The following ZNF66 variants were observed in gnomAD, a reference collection of about 807,000 sequenced individuals.
ZNF66 encodes the protein zinc finger protein 66.
In ZNF66, 32 loss-of-function variants were observed where a neutral mutation model predicts 35.2. That is an observed-to-expected ratio of 0.91 (90% confidence interval 0.69 to 1.22). The LOEUF (loss-of-function observed/expected upper bound fraction) is 1.22, where lower values mean the gene tolerates loss of function less well. ZNF66 is among the 50% of genes most tolerant of loss of function. ZNF66 has a pLI of 0.00. For synonymous variants in ZNF66, 231 were observed against 181.3 expected (o/e 1.27, Z -2.20); for missense variants, 666 against 543.1 (o/e 1.23, Z -2.25).
chr19:20,791,521 A>G (rs1971337781), intron 1 of ZNF66, among the ~76,000 whole-genome samples: 1 of 150,272 alleles, frequency 6.7e-6, no homozygotes, highest in African/African-American at 2.5e-5. Context: ...TTGCTCATTT[A>G]AATGTGATGG....
intron 3 of ZNF66, chr19:20,794,152 A>T (rs10413812): frequency 3.8e-6 from 2 of 527,188 alleles, no homozygotes; most frequent in African/African-American, 2.0e-5. Context: ...CCTCTTCATG[A>T]CATATAAGAG....
intron 3 of ZNF66, among the ~76,000 whole-genome samples, chr19:20,803,224 ATATT>A (rs1971466954): frequency 6.6e-6 from 1 of 151,728 alleles, no homozygotes; most frequent in African/African-American, 2.4e-5. Context: ...ATAATTATAT[ATATT>A]TAAATAGTTT....
At position 20,807,212 on chromosome 19, in the gene ZNF66, A is replaced by C. The variant is rs774440339; in HGVS notation, c.1612A>C (p.Lys538Gln). 11 of 729,846 alleles carry C rather than the reference A, an allele frequency of 1.5e-5. No individual in the cohort carries two copies. The highest frequency in any genetic ancestry group is 2.4e-4 in the Middle Eastern group (1 of 4,170). 45.2% of individuals were successfully genotyped at this position (729,846 alleles called of 1,614,324 possible). ...KKIHTGGKPH[K>Q]CNKCGKAFIS... ...AATTCATACTGGAGGGAAACCACAC[A>C]AGTGCAATAAATGTGGCAAAGCCTT... Residue 538 changes from lysine to glutamine, a missense_variant, in exon 4 of 4, where the codon AAG becomes CAG. By Grantham distance (53) the Lys-to-Gln change is moderately conservative. Transcript: ENST00000344519.
At chr19:20,805,128 A>T (rs425870) in intron 3 of ZNF66, among the ~76,000 whole-genome samples, 36,522 of 130,212 alleles carry the variant, frequency 0.28, 4,501 homozygotes, top group African/African-American at 0.3. Context: ...TGTGTGTGTG[A>T]GAGAGAGAGA....
In ZNF66 at chr19:20,808,754, A is replaced by G. The variant is rs1291529553; in HGVS notation, c.*1432A>G. On this transcript the variant is annotated 3_prime_UTR_variant, in exon 4 of 4. Transcript: ENST00000344519. ...AACCACAAAGATGGGGAAAAAACAG[A>G]GCAGAAAAACTGGAAAGTCTAAAAA... Among the ~76,000 whole-genome samples the G allele has an allele frequency of 6.6e-6, 1 of 151,926 alleles. No individual in the cohort carries two copies. Among genetic ancestry groups the G allele is most frequent in the Non-Finnish European group, 1.5e-5 (1 of 67,978 alleles).
intron 1 of ZNF66, among the ~76,000 whole-genome samples, chr19:20,779,631 C>G (rs1482751128): frequency 1.3e-5 from 2 of 151,898 alleles, no homozygotes; most frequent in African/African-American, 4.8e-5. Context: ...GTGTTTGAGA[C>G]CAGCCTGGCC....
intron 1 of ZNF66, among the ~76,000 whole-genome samples, chr19:20,779,559 T>G (rs541930112): frequency 6.6e-6 from 1 of 152,054 alleles, no homozygotes; most frequent in South Asian, 2.1e-4. Flanking sequence ...CCGGGCCCAG[T>G]GGCTCATGCC....
At chr19:20,797,998 A>G (rs1971411280) in intron 3 of ZNF66, among the ~76,000 whole-genome samples, 1 of 152,106 alleles carries the variant, frequency 6.6e-6, no homozygotes, top group Non-Finnish European at 1.5e-5. Context: ...CATGTCTGTC[A>G]CAATCAGGTT....
chr19:20,807,116 G>T lies in ZNF66; in HGVS notation c.1516G>T (p.Asp506Tyr). 1.3e-6 allele frequency: 1 copy of T among 795,746 alleles called. No individual in the cohort carries two copies. Among genetic ancestry groups the T allele is most frequent in the Admixed American group, 1.8e-5 (1 of 54,924 alleles). 49.3% of individuals were successfully genotyped at this position (795,746 alleles called of 1,614,324 possible). A position where few individuals can be genotyped will look rare whatever the true frequency, so the allele number is the denominator to read the frequency against. Residue 506 changes from aspartate (D) to tyrosine (Y), a missense_variant, in exon 4 of 4, where the codon GAT (aspartate) becomes TAT (tyrosine). Transcript: ENST00000344519. ...LTTHKRIHTA[D>Y]KPYKCEECGK... ...TACACATAAGAGAATTCATACTGCA[G>T]ATAAACCCTACAAATGTGAAGAATG...
chr19:20,779,293 G>A (rs73007849), intron 1 of ZNF66, among the ~76,000 whole-genome samples: 10,801 of 152,234 alleles, frequency 0.071, 478 homozygotes, highest in Middle Eastern at 0.11. Flanking sequence ...TTGCAAAGAT[G>A]TAGGCAGAAA....
chr19:20,778,462 T>C (rs1971215464), intron 1 of ZNF66, among the ~76,000 whole-genome samples: 1 of 152,202 alleles, frequency 6.6e-6, no homozygotes, highest in East Asian at 1.9e-4. Context: ...GAAGTAGATA[T>C]ATATGCTTTT....
At position 20,808,673 on chromosome 19, in the gene ZNF66, A is replaced by G. The variant is rs1340603342; in HGVS notation, c.*1351A>G. On this transcript the variant is annotated 3_prime_UTR_variant, in exon 4 of 4. Transcript: ENST00000344519. ...AGGAAAACTAACAAACAGAAAGGAC[A>G]TCCACACCAAAAACCCATCTGTACA... 1.3e-5 allele frequency among the ~76,000 whole-genome samples: 2 copies of G among 152,120 alleles called. No homozygotes were observed. Among genetic ancestry groups the G allele is most frequent in the Admixed American group, 6.5e-5 (1 of 15,272 alleles).
intron 1 of ZNF66, among the ~76,000 whole-genome samples, chr19:20,780,084 C>G (rs2144890184): frequency 6.6e-6 from 1 of 151,440 alleles, no homozygotes; most frequent in African/African-American, 2.4e-5. Context: ...GCACTCCAGC[C>G]TGGGTGACAA....
chr19:20,784,577 A>G (rs1030919398), intron 1 of ZNF66: 11 of 152,216 alleles, frequency 7.2e-5, no homozygotes, highest in African/African-American at 2.2e-4. Context: ...TACGAACACA[A>G]TCAGATTCTA....
chr19:20,799,645 A>G (rs1431670764), intron 3 of ZNF66, among the ~76,000 whole-genome samples: 2 of 152,078 alleles, frequency 1.3e-5, no homozygotes, highest in African/African-American at 4.8e-5. Context: ...ATCCAACTTC[A>G]TTTTATCAGT....
chr19:20,776,307 T>C lies in ZNF66; in HGVS notation c.-141T>C, dbSNP rs1451087179. ...TTCCGGATTTGGCGGGGTCTTTGTC[T>C]CTCCCTGCAGCTGGAGCTCCAGGTC... is the stretch of plus-strand genomic sequence containing the variant. On this transcript the variant is annotated 5_prime_UTR_variant, in exon 1 of 4. Coordinates refer to ENST00000344519, the MANE Select transcript of ZNF66 (RefSeq NM_001355197.2). 2.2e-6 allele frequency: 3 copies of C among 1,374,012 alleles called. No homozygotes were observed. Among genetic ancestry groups the C allele is most frequent in the African/African-American group, 1.4e-5 (1 of 69,986 alleles). The allele number at this position is 1,374,012 out of a possible 1,614,324, so 85.1% of individuals were successfully genotyped here.
At chr19:20,801,784 C>G (rs1971449999) in intron 3 of ZNF66, among the ~76,000 whole-genome samples, 1 of 102,136 alleles carries the variant, frequency 9.8e-6, no homozygotes, top group African/African-American at 3.6e-5. Context: ...TGCCCTCACA[C>G]CCAGCTAGCT....
At chr19:20,798,506 A>T (rs1270672426) in intron 3 of ZNF66, among the ~76,000 whole-genome samples, 2 of 151,994 alleles carry the variant, frequency 1.3e-5, no homozygotes, top group East Asian at 3.9e-4. Context: ...ATTGAGGGGG[A>T]GTCAAAATTG....
At chr19:20,794,391 TTTC>T (rs1458644806) in intron 3 of ZNF66, 3 of 152,268 alleles carry the variant, frequency 2.0e-5, no homozygotes, top group Non-Finnish European at 4.4e-5. Context: ...GATATTCTGT[TTTC>T]TTCTTTTTCC....
Sources: allele counts gnomAD v4.1 joint callset (sites outside exome capture counted in the v4.1 genomes callset), GRCh38; gene constraint gnomAD v4.1.1; transcripts MANE v1.5; gene names NCBI Gene and HGNC (gene_info 2026-07-23, HGNC 2026-07-21).